CPQ: variants seen among roughly 807,000 people sequenced by gnomAD.
CPQ encodes Ser-Met dipeptidase.
Under a neutral mutation model 45.7 loss-of-function variants are expected in CPQ, and 37 were observed. The ratio of observed to expected loss-of-function variants is 0.81; its 90% CI spans 0.62 to 1.07. The LOEUF (loss-of-function observed/expected upper bound fraction) is 1.07, where lower values mean the gene tolerates loss of function less well. Among genes scored for constraint, CPQ ranks in the 50% least tolerant of loss-of-function variants. The pLI, the probability that CPQ is intolerant of heterozygous loss-of-function variation, is 0.00. For missense variants in CPQ, 537 were observed against 572.9 expected, an observed-to-expected ratio of 0.94 and a Z score of 0.64; for synonymous variants, 186 against 205.8, an observed-to-expected ratio of 0.90 and a Z score of 0.82.
intron 4 of CPQ, among the ~76,000 whole-genome samples, chr8:96,948,536 G>T (rs899893011): frequency 6.6e-6 from 1 of 151,976 alleles, no homozygotes; most frequent in African/African-American, 2.4e-5. Flanking sequence ...TCTTAAGTTG[G>T]TTAGGACTTT....
At position 96,814,094 on chromosome 8, in the gene CPQ, C is replaced by T. The variant is rs181164827; in HGVS notation, c.434-20879C>T. ...TATTAAATACTTTTTGAACAAATAA[C>T]GTATTTTGGGGGGCATTATTCTGTC... On this transcript the variant is annotated intron_variant, in intron 2 of 7. Transcript: ENST00000220763. Among the ~76,000 whole-genome samples, 14 of 151,798 alleles carry T rather than the reference C, an allele frequency of 9.2e-5. No homozygotes were observed. In the East Asian group the frequency reaches 2.3e-3, roughly 25 times the overall value.
At chr8:97,130,040 A>G (rs1333054404) in intron 7 of CPQ, among the ~76,000 whole-genome samples, 1 of 152,256 alleles carries the variant, frequency 6.6e-6, no homozygotes, top group Non-Finnish European at 1.5e-5. Flanking sequence ...CATTCTGAGT[A>G]GTCATTTAAC....
chr8:96,871,869 A>G (rs1812073044), intron 3 of CPQ, among the ~76,000 whole-genome samples: 2 of 151,844 alleles, frequency 1.3e-5, no homozygotes, highest in African/African-American at 4.8e-5. Flanking sequence ...TCTAGAGTTC[A>G]ACGTATATAT....
At chr8:96,743,025 C>CTT (rs1461225294) in intron 1 of CPQ, among the ~76,000 whole-genome samples, 3 of 152,128 alleles carry the variant, frequency 2.0e-5, no homozygotes, top group Admixed American at 6.5e-5. Flanking sequence ...GTTGGCCTGC[C>CTT]TTGCTAGATT....
intron 1 of CPQ, among the ~76,000 whole-genome samples, chr8:96,726,952 C>G (rs1044957551): frequency 3.3e-5 from 5 of 152,124 alleles, no homozygotes; most frequent in Admixed American, 1.3e-4. Flanking sequence ...TTATAAATTA[C>G]CCAGTTTCAG....
At chr8:96,947,109 G>A (rs1813199651) in intron 4 of CPQ, among the ~76,000 whole-genome samples, 1 of 152,128 alleles carries the variant, frequency 6.6e-6, no homozygotes, top group African/African-American at 2.4e-5. Flanking sequence ...AATTCTTGGT[G>A]AATGCATGGA....
intron 1 of CPQ, among the ~76,000 whole-genome samples, chr8:96,724,275 A>T (rs1323652058): frequency 1.3e-5 from 2 of 152,058 alleles, no homozygotes; most frequent in Non-Finnish European, 2.9e-5. Context: ...TATTATAGTC[A>T]TTCATACCTT....
rs201238165 is a variant in CPQ at position 96,792,038 on chromosome 8, T to G, written c.433+6708T>G. Among the ~76,000 whole-genome samples the G allele has an allele frequency of 3.3e-5, 5 of 152,330 alleles. No homozygotes were observed. The East Asian group carries it at 9.7e-4, about 29-fold the overall frequency. ...TTAACCAGATTTTTTAACTTTTTAATTCTAGACTTGAATATTACAGTATGT... is the reference window on the plus strand; with the variant it reads ...TTAACCAGATTTTTTAACTTTTTAAGTCTAGACTTGAATATTACAGTATGT... On this transcript the variant is annotated intron_variant, in intron 2 of 7. Coordinates refer to ENST00000220763, the MANE Select transcript of CPQ (RefSeq NM_016134.4).
intron 4 of CPQ, among the ~76,000 whole-genome samples, chr8:96,941,908 G>A (rs1352796635): frequency 6.6e-6 from 1 of 152,128 alleles, no homozygotes; most frequent in Non-Finnish European, 1.5e-5. Context: ...ATATAGCAAT[G>A]CAAGAAAACT....
At chr8:96,709,079 T>C (rs1197448051) in intron 1 of CPQ, among the ~76,000 whole-genome samples, 4 of 152,170 alleles carry the variant, frequency 2.6e-5, no homozygotes. Context: ...TGTATGTTCA[T>C]TTTTTAGTTT....
intron 4 of CPQ, among the ~76,000 whole-genome samples, chr8:96,894,954 A>G (rs1563523019): frequency 6.6e-6 from 1 of 152,214 alleles, no homozygotes; most frequent in Non-Finnish European, 1.5e-5. Flanking sequence ...GCATCATGCT[A>G]ACCAACTGAA....
chr8:96,737,566 GC>G (rs1810004431), intron 1 of CPQ, among the ~76,000 whole-genome samples: 2 of 151,912 alleles, frequency 1.3e-5, no homozygotes, highest in Admixed American at 1.3e-4. Context: ...ACGTTTTTCT[GC>G]CTGCTTTATA....
Position 97,138,233 on chromosome 8 carries a change from C to G in CPQ, c.1256-4787C>G, listed in dbSNP as rs186898323. Among the ~76,000 whole-genome samples, 16 of 152,280 alleles carry G rather than the reference C, an allele frequency of 1.1e-4. No individual in the cohort carries two copies. In the East Asian group the frequency reaches 3.1e-3, roughly 29 times the overall value. On this transcript the variant is annotated intron_variant, in intron 7 of 7. Coordinates refer to ENST00000220763, the MANE Select transcript of CPQ (RefSeq NM_016134.4). ...CTGCCAATAATTAGCCCAAGTTACC[C>G]CCCAGTGTCAACCAAACTGGAACGC... is the stretch of plus-strand genomic sequence containing the variant.
chr8:96,748,522 C>G (rs967683617), intron 1 of CPQ, among the ~76,000 whole-genome samples: 1 of 151,824 alleles, frequency 6.6e-6, no homozygotes, highest in African/African-American at 2.4e-5. Context: ...GAAAATATTA[C>G]TATATGATAA....
chr8:96,883,923 C>A (rs1488943625), intron 4 of CPQ, among the ~76,000 whole-genome samples: 5 of 152,156 alleles, frequency 3.3e-5, no homozygotes, highest in Non-Finnish European at 5.9e-5. Flanking sequence ...GGCTTCTCAA[C>A]ACATGTTTTA....
intron 4 of CPQ, among the ~76,000 whole-genome samples, chr8:96,941,045 C>G (rs1255064874): frequency 6.6e-6 from 1 of 152,088 alleles, no homozygotes; most frequent in Non-Finnish European, 1.5e-5. Flanking sequence ...TTTCTCTGAC[C>G]TAGAAAAGCT....
chr8:97,104,552 C>A (rs1811372990), intron 7 of CPQ, among the ~76,000 whole-genome samples: 3 of 152,178 alleles, frequency 2.0e-5, no homozygotes. Context: ...AATAAAACAT[C>A]CATCAAGTAA....
intron 5 of CPQ, among the ~76,000 whole-genome samples, chr8:96,992,935 A>T (rs1029490067): frequency 4.6e-5 from 7 of 152,194 alleles, no homozygotes; most frequent in Non-Finnish European, 8.8e-5. Context: ...ACAGATACAC[A>T]AATGGGCAGA....
At chr8:96,701,994 T>C (rs1426133678) in intron 1 of CPQ, among the ~76,000 whole-genome samples, 1 of 152,224 alleles carries the variant, frequency 6.6e-6, no homozygotes, top group Non-Finnish European at 1.5e-5. Flanking sequence ...TGTCAGTTTT[T>C]CATCTGGCTC....
Sources: allele counts gnomAD v4.1 joint callset (sites outside exome capture counted in the v4.1 genomes callset), GRCh38; gene constraint gnomAD v4.1.1; transcripts MANE v1.5; gene names NCBI Gene and HGNC (gene_info 2026-07-23, HGNC 2026-07-21).